Variants in RLN2 observed in about 807,000 individuals in gnomAD.
RLN2 encodes the protein relaxin 2, also known as prorelaxin H2.
In RLN2, 10 loss-of-function variants were observed where a neutral mutation model predicts 7.3. The ratio of observed to expected loss-of-function variants is 1.36; its 90% CI spans 0.84 to 2.31. The LOEUF (loss-of-function observed/expected upper bound fraction) is 2.31. Ranked by LOEUF, RLN2 falls within the 30% of genes most tolerant of loss-of-function variation. The pLI is 0.00. For missense variants in RLN2, 298 were observed against 217.6 expected (o/e 1.37, Z -2.32); for synonymous variants, 103 against 82.3 (o/e 1.25, Z -1.36).
the RLN2 span, among the ~76,000 whole-genome samples, chr9:5,333,683 T>A: frequency 7.4e-4 from 112 of 152,016 alleles, 2 homozygotes; most frequent in Non-Finnish European, 1.4e-3. Context: ...GACAGCATCA[T>A]CCTGATACCA....
At chr9:5,322,473 G>C in the RLN2 span, among the ~76,000 whole-genome samples, 1 of 152,046 alleles carries the variant, frequency 6.6e-6, no homozygotes, top group African/African-American at 2.4e-5. Flanking sequence ...CCAACCAAGT[G>C]ACACAAGGTT....
chr9:5,308,392 G>T (rs955992537), upstream of RLN2, among the ~76,000 whole-genome samples: 1 of 151,874 alleles, frequency 6.6e-6, no homozygotes, highest in African/African-American at 2.4e-5. Flanking sequence ...GGCCAGGTCT[G>T]GTGGTCCCAG....
upstream of RLN2, among the ~76,000 whole-genome samples, chr9:5,305,400 CACAGAG>C (rs1408733821): frequency 7.7e-4 from 96 of 124,202 alleles, no homozygotes; most frequent in African/African-American, 2.4e-3. Context: ...CACACACACA[CACAGAG>C]AGAGAGAGAG....
chr9:5,332,805 C>G, the RLN2 span, among the ~76,000 whole-genome samples: 3 of 151,828 alleles, frequency 2.0e-5, no homozygotes, highest in African/African-American at 7.3e-5. Context: ...TTAGTAGAAA[C>G]GGGGTTTCAC....
chr9:5,315,643 G>T, the RLN2 span, among the ~76,000 whole-genome samples: 7 of 151,956 alleles, frequency 4.6e-5, no homozygotes, highest in Non-Finnish European at 1.0e-4. Context: ...TCTCCAAGTT[G>T]CATTACAACT....
the RLN2 span, chr9:5,335,696 T>C: frequency 2.2e-3 from 1,581 of 708,286 alleles, 36 homozygotes; most frequent in African/African-American, 0.027. Flanking sequence ...AAAGAAAGCA[T>C]TGCCTCAATA....
chr9:5,309,965 GAC>G, the RLN2 span, among the ~76,000 whole-genome samples: 1 of 151,960 alleles, frequency 6.6e-6, no homozygotes, highest in Non-Finnish European at 1.5e-5. Flanking sequence ...AAGACCCTGT[GAC>G]ACACAGTGAG....
At chr9:5,323,951 G>A in the RLN2 span, among the ~76,000 whole-genome samples, 2 of 151,902 alleles carry the variant, frequency 1.3e-5, no homozygotes, top group African/African-American at 4.8e-5. Flanking sequence ...AGGAGGCTGA[G>A]GAAGGAGAAT....
At chr9:5,310,762 C>T in the RLN2 span, among the ~76,000 whole-genome samples, 1 of 151,956 alleles carries the variant, frequency 6.6e-6, no homozygotes, top group African/African-American at 2.4e-5. Context: ...AATTCTAATT[C>T]CTCCCTTCCA....
upstream of RLN2, chr9:5,304,771 T>G (rs1586931924): frequency 6.5e-6 from 4 of 613,102 alleles, no homozygotes; most frequent in East Asian, 1.1e-4. Flanking sequence ...TCCACCCCTT[T>G]CCCACACCCC....
the RLN2 span, among the ~76,000 whole-genome samples, chr9:5,317,413 T>G: frequency 6.6e-6 from 1 of 150,636 alleles, no homozygotes; most frequent in Non-Finnish European, 1.5e-5. Flanking sequence ...GACTGCATCA[T>G]TGCACTCCAG....
chr9:5,317,819 G>A, the RLN2 span, among the ~76,000 whole-genome samples: 3 of 151,876 alleles, frequency 2.0e-5, no homozygotes, highest in African/African-American at 7.3e-5. Flanking sequence ...TAAGAGAAAT[G>A]CAAACTAAAA....
the RLN2 span, among the ~76,000 whole-genome samples, chr9:5,316,254 G>C: frequency 6.6e-6 from 1 of 151,494 alleles, no homozygotes; most frequent in African/African-American, 2.4e-5. Context: ...ACATCTTTAG[G>C]ACTTTCTTCT....
At chr9:5,306,448 G>A (rs1026410105), upstream of RLN2, among the ~76,000 whole-genome samples, 4 of 151,788 alleles carry the variant, frequency 2.6e-5, no homozygotes, top group Non-Finnish European at 4.4e-5. Flanking sequence ...TACAATGCCC[G>A]CTTTCCCATT....
chr9:5,302,583 A>G (rs1816172155), intron 1 of RLN2, among the ~76,000 whole-genome samples: 1 of 152,226 alleles, frequency 6.6e-6, no homozygotes, highest in Non-Finnish European at 1.5e-5. Context: ...CAGTTAAATT[A>G]TACTGCACAT....
At chr9:5,310,245 A>G in the RLN2 span, among the ~76,000 whole-genome samples, 1 of 151,950 alleles carries the variant, frequency 6.6e-6, no homozygotes, top group Non-Finnish European at 1.5e-5. Flanking sequence ...CTTTAGGTAG[A>G]GCAGGTTAGC....
the RLN2 span, among the ~76,000 whole-genome samples, chr9:5,336,876 C>T: frequency 6.6e-6 from 1 of 151,968 alleles, no homozygotes; most frequent in East Asian, 1.9e-4. Flanking sequence ...GACCCTTCAC[C>T]TAGACAGCGG....
chr9:5,324,683 T>C, the RLN2 span, among the ~76,000 whole-genome samples: 1 of 152,030 alleles, frequency 6.6e-6, no homozygotes, highest in Non-Finnish European at 1.5e-5. Flanking sequence ...AGTAAAATAA[T>C]TTGAACCACC....
chr9:5,311,678 C>G, the RLN2 span: 5 of 1,311,042 alleles, frequency 3.8e-6, no homozygotes, highest in East Asian at 1.2e-4. Context: ...CAAAACAGAC[C>G]AGGCACAGAA....
Sources: gnomAD v4.1 joint callset for allele counts (sites outside exome capture counted in the v4.1 genomes callset) on GRCh38, gnomAD v4.1.1 for gene constraint, MANE v1.5 for transcripts, NCBI Gene and HGNC (gene_info 2026-07-23, HGNC 2026-07-21) for gene names.